PHLPP2: variants seen among roughly 807,000 people sequenced by gnomAD.
PHLPP2 encodes PH domain leucine-rich repeat-containing protein phosphatase 2.
A neutral mutation model predicts 124.9 loss-of-function variants in PHLPP2; 66 were observed. That is an observed-to-expected ratio of 0.53 (90% CI 0.43 to 0.65). PHLPP2 has a LOEUF of 0.65. PHLPP2 is among the 30% of genes least tolerant of loss of function. The probability of loss-of-function intolerance (pLI) is 0.00; values close to 1 mark genes in which losing one functional copy is unlikely to be tolerated. For synonymous variants in PHLPP2, 681 were observed against 624.7 expected (o/e 1.09, Z -1.34); for missense variants, 1,685 against 1,600.4 (o/e 1.05, Z -0.90).
chr16:71,698,811 G>C (rs535782305), intron 3 of PHLPP2: 1 of 228,960 alleles, frequency 4.4e-6, no homozygotes, highest in Non-Finnish European at 8.8e-6. Flanking sequence ...AACTGAGAGA[G>C]CCATTCCACT....
intron 13 of PHLPP2, among the ~76,000 whole-genome samples, chr16:71,660,082 A>G (rs1057460349): frequency 6.6e-6 from 1 of 152,070 alleles, no homozygotes; most frequent in Non-Finnish European, 1.5e-5. Flanking sequence ...AAACTGAAAA[A>G]TAGAGACAAA....
chr16:71,650,296 C>T (rs1032606662), intron 18 of PHLPP2, among the ~76,000 whole-genome samples: 15 of 152,182 alleles, frequency 9.9e-5, no homozygotes, highest in Admixed American at 6.5e-5. Flanking sequence ...AAGATGTTTG[C>T]TTTAACATGA....
At chr16:71,650,853 A>T (rs1354387457) in intron 18 of PHLPP2, among the ~76,000 whole-genome samples, 1 of 152,260 alleles carries the variant, frequency 6.6e-6, no homozygotes, top group African/African-American at 2.4e-5. Flanking sequence ...TAAAATGAAA[A>T]TGGGAGTTTA....
At chr16:71,660,076 T>C (rs937365300) in intron 13 of PHLPP2, among the ~76,000 whole-genome samples, 2 of 151,814 alleles carry the variant, frequency 1.3e-5, no homozygotes, top group East Asian at 3.9e-4. Context: ...TGAAAAAAAC[T>C]GAAAAATAGA....
At chr16:71,704,700 A>T (rs1312046471) in intron 2 of PHLPP2, among the ~76,000 whole-genome samples, 1 of 152,168 alleles carries the variant, frequency 6.6e-6, no homozygotes, top group Non-Finnish European at 1.5e-5. Flanking sequence ...TGGGAAATAA[A>T]CTTTTCAGAT....
At chr16:71,663,649 T>C (rs570201480) in intron 13 of PHLPP2, among the ~76,000 whole-genome samples, 3 of 152,228 alleles carry the variant, frequency 2.0e-5, no homozygotes, top group Non-Finnish European at 4.4e-5. Context: ...CTTTTCTAGA[T>C]TGACTATTAG....
intron 1 of PHLPP2, among the ~76,000 whole-genome samples, chr16:71,720,260 C>T (rs910254526): frequency 2.0e-5 from 3 of 150,712 alleles, no homozygotes; most frequent in African/African-American, 7.3e-5. Flanking sequence ...TGAGCCACCG[C>T]GCCTGGCCAC....
In PHLPP2 at chr16:71,647,864, A is replaced by T. The variant is rs1596983621; in HGVS notation, c.*1026T>A. 2 of 152,510 alleles carry T rather than the reference A, an allele frequency of 1.3e-5. No individual in the cohort carries two copies. The highest frequency in any genetic ancestry group is 4.8e-5 in the African/African-American group (2 of 41,432). The allele number at this position is 152,510 out of a possible 1,614,324, so 9.4% of individuals were successfully genotyped here. A position where few individuals can be genotyped will look rare whatever the true frequency, so the allele number is the denominator to read the frequency against. ...TTCACAGTCTGACATCCAAAAGTTA[A>T]ATCAACTTCACAGGGCCCTTCCTAT... On this transcript the variant is annotated 3_prime_UTR_variant, in exon 19 of 19. Transcript: ENST00000568954.
rs894759364 is a variant in PHLPP2 at position 71,667,168 on chromosome 16, T to A, written c.1784+10A>T. ...TTCTGCTCTTCCGAAAAAAATCCTA[T>A]GATACTTACTTTAAGGCCTTGGAGA... On this transcript the variant is annotated intron_variant, in intron 12 of 18. Coordinates refer to ENST00000568954, the MANE Select transcript of PHLPP2 (RefSeq NM_015020.3). 6.2e-7 allele frequency: 1 copy of A among 1,606,486 alleles called. No individual in the cohort carries two copies.
At chr16:71,714,394 G>T in intron 2 of PHLPP2, 118 bp downstream of exon 2, 26 of 1,314,410 alleles carry the variant, frequency 2.0e-5, no homozygotes, top group Non-Finnish European at 2.6e-5. Context: ...TTGAAGCCCA[G>T]TGAGTCCGTA....
At chr16:71,719,990 A>G (rs371701642) in intron 1 of PHLPP2, among the ~76,000 whole-genome samples, 6 of 4,302 alleles carry the variant, frequency 1.4e-3, no homozygotes, top group Middle Eastern at 0.083. Flanking sequence ...TTTTTTTTTG[A>G]GACGGAGTGT....
intron 3 of PHLPP2, among the ~76,000 whole-genome samples, chr16:71,697,459 T>C (rs866310072): frequency 1.3e-5 from 2 of 152,198 alleles, no homozygotes; most frequent in Non-Finnish European, 1.5e-5. Flanking sequence ...TAGGCAGTTA[T>C]ATGCCCCACT....
chr16:71,720,517 T>C (rs1274347148), intron 1 of PHLPP2, among the ~76,000 whole-genome samples: 1 of 152,200 alleles, frequency 6.6e-6, no homozygotes, highest in Non-Finnish European at 1.5e-5. Flanking sequence ...AAGATATACA[T>C]GGTATAAACA....
intron 3 of PHLPP2, among the ~76,000 whole-genome samples, chr16:71,697,419 C>T (rs748310485): frequency 6.6e-6 from 1 of 152,018 alleles, no homozygotes; most frequent in African/African-American, 2.4e-5. Context: ...CACACCTAAC[C>T]GCAAGAAAGG....
Position 71,714,581 on chromosome 16 carries a change from G to A in PHLPP2, c.215C>T (p.Pro72Leu). The change falls in exon 2 of 19, where the codon CCA (proline) becomes CTA (leucine). Residue 72 changes from proline (P) to leucine (L), a missense_variant. Coordinates refer to ENST00000568954, the MANE Select transcript of PHLPP2 (RefSeq NM_015020.3). ...CTCTCCAGCACATATTTCTGATGCTGGTGTCTCTACAGTGCAAAGGACGAG... is the reference window on the plus strand; with the variant it reads ...CTCTCCAGCACATATTTCTGATGCTAGTGTCTCTACAGTGCAAAGGACGAG... ...LHLVLCTVET[P>L]ASEICAGEGR... The A allele has an allele frequency of 6.2e-7, 1 of 1,614,088 alleles. No homozygotes were observed. The highest frequency in any genetic ancestry group is 8.5e-7 in the Non-Finnish European group (1 of 1,179,978).
intron 4 of PHLPP2, 30 bp downstream of exon 4, chr16:71,690,489 T>A (rs761557524): frequency 4.9e-6 from 7 of 1,438,300 alleles, no homozygotes. Flanking sequence ...GATGATCAAA[T>A]GAAAAATAAT....
chr16:71,718,795 C>T (rs561944534), intron 1 of PHLPP2, among the ~76,000 whole-genome samples: 1 of 152,182 alleles, frequency 6.6e-6, no homozygotes, highest in Non-Finnish European at 1.5e-5. Flanking sequence ...CTCCTGTCTA[C>T]ATGATACATT....
Position 71,664,324 on chromosome 16 carries a change from T to C in PHLPP2, c.1785-225A>G. On this transcript the variant is annotated intron_variant, in intron 12 of 18. Transcript: ENST00000568954. The stretch of plus-strand genomic sequence containing the variant: ...TAGAGAGGAAAAAGTACAAGCCTGG[T>C]TGTTTTCCCAGGCTTCTGGAGTGCC... 3.5e-6 allele frequency: 2 copies of C among 573,824 alleles called. 1 individual carries two copies. The highest frequency in any genetic ancestry group is 4.2e-5 in the South Asian group (2 of 47,396). The allele number at this position is 573,824 out of a possible 1,614,324, so 35.5% of individuals were successfully genotyped here.
chr16:71,678,788 T>C lies in PHLPP2; in HGVS notation c.1235A>G (p.Asn412Ser). The change falls in exon 8 of 19, where the codon AAT (asparagine) becomes AGT (serine). Residue 412 changes from asparagine (N) to serine (S), a missense_variant. Coordinates refer to ENST00000568954, the MANE Select transcript of PHLPP2 (RefSeq NM_015020.3). ...CACATGCTTGATATGGTTCATCCTA[T>C]TCAGCACCCCTAAGTTCAGGACTTC... is the stretch of plus-strand genomic sequence containing the variant. ...CLEVLNLGVL[N>S]RMNHIKHVDL... The C allele has an allele frequency of 1.2e-6, 2 of 1,607,320 alleles. No homozygotes were observed. The highest frequency in any genetic ancestry group is 1.7e-6 in the Non-Finnish European group (2 of 1,173,782).
Sources: gnomAD v4.1 joint callset for allele counts (sites outside exome capture counted in the v4.1 genomes callset) on GRCh38, gnomAD v4.1.1 for gene constraint, MANE v1.5 for transcripts, NCBI Gene and HGNC (gene_info 2026-07-23, HGNC 2026-07-21) for gene names.